Variants in MCU observed in about 807,000 individuals in gnomAD.
MCU encodes calcium uniporter protein, mitochondrial.
A neutral mutation model predicts 45.2 loss-of-function variants in MCU; 12 were observed. The observed-to-expected ratio is 0.27, with a 90% CI of 0.17 to 0.43. MCU has a LOEUF of 0.43. MCU is among the 20% of genes least tolerant of loss of function. MCU has a pLI of 1.00. For missense variants in MCU, 324 were observed against 436.7 expected (o/e 0.74, Z 2.30); for synonymous variants, 160 against 165.1 (o/e 0.97, Z 0.24).
At chr10:72,821,424 G>T (rs896931630) in intron 1 of MCU, among the ~76,000 whole-genome samples, 4 of 152,012 alleles carry the variant, frequency 2.6e-5, no homozygotes, top group Admixed American at 2.6e-4. Context: ...TAGAAAACTG[G>T]TTTAAAAACC....
chr10:72,868,360 G>T (rs1845489685), intron 4 of MCU, among the ~76,000 whole-genome samples: 1 of 152,022 alleles, frequency 6.6e-6, no homozygotes, highest in Admixed American at 6.6e-5. Context: ...ACCAGCCTGG[G>T]CAACACGGTG....
chr10:72,692,918 T>C, intron 1 of MCU: 1 of 1,503,746 alleles, frequency 6.7e-7, no homozygotes, highest in Non-Finnish European at 8.9e-7. Context: ...TCCCTCGAGA[T>C]GGATGCTGCA....
intron 1 of MCU, among the ~76,000 whole-genome samples, chr10:72,744,683 A>G (rs1442802222): frequency 6.6e-6 from 1 of 152,220 alleles, no homozygotes; most frequent in Non-Finnish European, 1.5e-5. Context: ...GCTTTGGGAC[A>G]GAATATAAAA....
intron 1 of MCU, among the ~76,000 whole-genome samples, chr10:72,753,613 G>T (rs1479087608): frequency 6.6e-6 from 1 of 152,154 alleles, no homozygotes; most frequent in Non-Finnish European, 1.5e-5. Context: ...AATGGCTTAT[G>T]CCTGTAGTCC....
chr10:72,849,883 G>A (rs1264357386), intron 2 of MCU, among the ~76,000 whole-genome samples: 1 of 151,464 alleles, frequency 6.6e-6, no homozygotes, highest in Non-Finnish European at 1.5e-5. Flanking sequence ...GCATTGGATT[G>A]AACTCTGTGA....
chr10:72,848,190 AGT>A (rs1247422348), intron 2 of MCU, among the ~76,000 whole-genome samples: 1 of 152,186 alleles, frequency 6.6e-6, no homozygotes, highest in Admixed American at 6.5e-5. Context: ...TTTGACTTAC[AGT>A]GGGTTTATGC....
chr10:72,765,819 C>T (rs1204674934), intron 1 of MCU, among the ~76,000 whole-genome samples: 8 of 149,036 alleles, frequency 5.4e-5, no homozygotes, highest in Non-Finnish European at 7.4e-5. Flanking sequence ...GAAAGAAACT[C>T]GACAGAATAA....
intron 1 of MCU, among the ~76,000 whole-genome samples, chr10:72,709,895 T>G (rs1179778909): frequency 6.6e-6 from 1 of 152,120 alleles, no homozygotes; most frequent in Non-Finnish European, 1.5e-5. Flanking sequence ...CCTGCATTGG[T>G]GTTCGATTCA....
chr10:72,731,414 G>C (rs946032616), intron 1 of MCU, among the ~76,000 whole-genome samples: 6 of 152,182 alleles, frequency 3.9e-5, no homozygotes, highest in African/African-American at 1.4e-4. Context: ...CAGTGTCAAA[G>C]AGTAGGAATC....
At chr10:72,798,979 TG>T (rs1280698401) in intron 1 of MCU, among the ~76,000 whole-genome samples, 4 of 152,236 alleles carry the variant, frequency 2.6e-5, no homozygotes, top group Non-Finnish European at 2.9e-5. Context: ...AGTCTCACTC[TG>T]TCACTCAGGC....
At chr10:72,869,507 G>T (rs1164980832) in intron 5 of MCU, among the ~76,000 whole-genome samples, 3 of 152,244 alleles carry the variant, frequency 2.0e-5, no homozygotes, top group African/African-American at 2.4e-5. Flanking sequence ...AGAATCACTT[G>T]AACCTGGGAG....
chr10:72,772,618 A>G (rs1473890080), intron 1 of MCU, among the ~76,000 whole-genome samples: 2 of 152,120 alleles, frequency 1.3e-5, no homozygotes, highest in Non-Finnish European at 2.9e-5. Context: ...AATTGCTTGA[A>G]CCTGGGAGGC....
chr10:72,771,998 T>A (rs1039093381), intron 1 of MCU, among the ~76,000 whole-genome samples: 3 of 152,230 alleles, frequency 2.0e-5, no homozygotes, highest in African/African-American at 7.2e-5. Flanking sequence ...ACAGTGAGGC[T>A]GAGGTAGTCA....
intron 1 of MCU, among the ~76,000 whole-genome samples, chr10:72,792,245 A>G (rs2132766008): frequency 6.6e-6 from 1 of 152,340 alleles, no homozygotes; most frequent in South Asian, 2.1e-4. Flanking sequence ...TCAGGAAAGC[A>G]GAAGTGACAG....
chr10:72,832,247 T>A (rs969874361), intron 1 of MCU, among the ~76,000 whole-genome samples: 2 of 152,202 alleles, frequency 1.3e-5, no homozygotes, highest in East Asian at 1.9e-4. Flanking sequence ...AGTAAAGTAT[T>A]TTTACTTTAG....
At chr10:72,882,526 C>T (rs539180633) in intron 6 of MCU, among the ~76,000 whole-genome samples, 7 of 152,126 alleles carry the variant, frequency 4.6e-5, no homozygotes, top group East Asian at 1.9e-4. Flanking sequence ...CTTCTATGGT[C>T]GAAACTGTAG....
chr10:72,726,725 C>T (rs769646065), intron 1 of MCU, among the ~76,000 whole-genome samples: 1 of 152,122 alleles, frequency 6.6e-6, no homozygotes, highest in Non-Finnish European at 1.5e-5. Flanking sequence ...ATGAGGAATA[C>T]TCAACCCATA....
intron 1 of MCU, among the ~76,000 whole-genome samples, chr10:72,772,989 C>T (rs1245516495): frequency 2.0e-5 from 3 of 152,128 alleles, no homozygotes; most frequent in Non-Finnish European, 4.4e-5. Flanking sequence ...GCCTCAACCT[C>T]CCAGGCTCAG....
At chr10:72,800,477 G>A (rs1270184087) in intron 1 of MCU, among the ~76,000 whole-genome samples, 1 of 152,170 alleles carries the variant, frequency 6.6e-6, no homozygotes, top group Non-Finnish European at 1.5e-5. Context: ...AAGGATTTTA[G>A]ATAGAGAATA....
Sources: allele counts gnomAD v4.1 joint callset (sites outside exome capture counted in the v4.1 genomes callset), GRCh38; gene constraint gnomAD v4.1.1; transcripts MANE v1.5; gene names NCBI Gene and HGNC (gene_info 2026-07-23, HGNC 2026-07-21).